LTBP1: variants seen among roughly 807,000 people sequenced by gnomAD.
The protein encoded by LTBP1 is latent-transforming growth factor beta-binding protein 1.
In LTBP1, 129 loss-of-function variants were observed where a neutral mutation model predicts 207.6. The ratio of observed to expected loss-of-function variants is 0.62; its 90% CI spans 0.54 to 0.72. The LOEUF is 0.72. Among genes scored for constraint, LTBP1 ranks in the 30% least tolerant of loss-of-function variants. The pLI is 0.00. For synonymous variants in LTBP1, 963 were observed against 833.7 expected (o/e 1.16, Z -2.67); for missense variants, 2,281 against 2,217.2 (o/e 1.03, Z -0.58).
At chr2:33,145,224 G>C (rs1346488331) in intron 5 of LTBP1, among the ~76,000 whole-genome samples, 1 of 151,974 alleles carries the variant, frequency 6.6e-6, no homozygotes, top group African/African-American at 2.4e-5. Flanking sequence ...TGAAAGACTG[G>C]CATGACTGAG....
chr2:33,078,857 C>CTCT (rs2078228415), intron 3 of LTBP1, among the ~76,000 whole-genome samples: 1 of 92,158 alleles, frequency 1.1e-5, no homozygotes, highest in African/African-American at 3.2e-5. Flanking sequence ...CTTTTCTTTT[C>CTCT]TTTTCTTTTT....
At chr2:33,397,674 ATTTTTTT>A (rs71409616) in intron 33 of LTBP1, among the ~76,000 whole-genome samples, 3 of 117,498 alleles carry the variant, frequency 2.6e-5, no homozygotes, top group Admixed American at 9.3e-5. Context: ...CACCCGGCTA[ATTTTTTT>A]TTTTTTTTTT....
chr2:33,382,076 T>G (rs2095221537), intron 31 of LTBP1, among the ~76,000 whole-genome samples: 1 of 37,028 alleles, frequency 2.7e-5, no homozygotes, highest in African/African-American at 1.9e-4. Flanking sequence ...TACTGCTTCT[T>G]TTTTTTTTTT....
At chr2:33,194,019 C>T (rs2088242056) in intron 7 of LTBP1, among the ~76,000 whole-genome samples, 1 of 151,532 alleles carries the variant, frequency 6.6e-6, no homozygotes, top group Admixed American at 6.6e-5. Flanking sequence ...AGAGTTCTTG[C>T]TCTGTTACCC....
At chr2:33,268,793 A>G (rs766804797) in intron 15 of LTBP1, among the ~76,000 whole-genome samples, 7 of 152,220 alleles carry the variant, frequency 4.6e-5, no homozygotes, top group African/African-American at 7.2e-5. Context: ...AAACCTTTCC[A>G]TGAGTTAACA....
intron 4 of LTBP1, among the ~76,000 whole-genome samples, chr2:33,113,486 G>T (rs74969557): frequency 6.6e-6 from 1 of 152,220 alleles, no homozygotes; most frequent in Admixed American, 6.5e-5. Context: ...TAGATAGAGA[G>T]AAACTAACCA....
intron 3 of LTBP1, among the ~76,000 whole-genome samples, chr2:33,099,076 T>C (rs2079557897): frequency 6.6e-6 from 1 of 152,214 alleles, no homozygotes; most frequent in South Asian, 2.1e-4. Context: ...TTTCTCCAGA[T>C]ATATTGGCTT....
At chr2:33,085,714 A>G (rs2078709478) in intron 3 of LTBP1, among the ~76,000 whole-genome samples, 1 of 152,190 alleles carries the variant, frequency 6.6e-6, no homozygotes, top group Non-Finnish European at 1.5e-5. Context: ...CATAAGAGGC[A>G]GGGGGGCCAG....
intron 3 of LTBP1, among the ~76,000 whole-genome samples, chr2:33,102,730 C>T (rs982899370): frequency 1.3e-5 from 2 of 152,198 alleles, no homozygotes; most frequent in Non-Finnish European, 2.9e-5. Context: ...TACTGGCAGT[C>T]TGTATATGCT....
chr2:33,134,791 A>G lies in LTBP1; in HGVS notation c.1034-2A>G, dbSNP rs2082017863. 1 of 1,613,844 alleles carries G rather than the reference A, an allele frequency of 6.2e-7. No homozygotes were observed. Among genetic ancestry groups the G allele is most frequent in the Non-Finnish European group, 8.5e-7 (1 of 1,179,954 alleles). ...TCTTTTTCTCCCTGCCTCCGCTCCT[A>G]GTGAGTAACCACACTGGCCGCATCA... On this transcript the variant is annotated splice_acceptor_variant, in intron 4 of 33. Transcript: ENST00000404816. LOFTEE classifies it high-confidence loss of function. This position sits in a 1 kb window ranked among gnomAD's most constrained non-coding sequence, Gnocchi z 4.4.
chr2:33,235,271 C>T (rs1158652152), intron 9 of LTBP1, among the ~76,000 whole-genome samples: 2 of 152,156 alleles, frequency 1.3e-5, no homozygotes, highest in Non-Finnish European at 2.9e-5. Context: ...CAAAAGAAGA[C>T]ATTTATGCAG....
chr2:33,091,725 G>A lies in LTBP1; in HGVS notation c.864-18857G>A, dbSNP rs2079104358. Among the ~76,000 whole-genome samples, 7 of 152,180 alleles carry A rather than the reference G, an allele frequency of 4.6e-5. No homozygotes were observed. The South Asian group carries it at 1.4e-3, about 32-fold the overall frequency. ...GAATCCTCTGACTAATCGCCCGAAGGAAGTTCTGTGTTCTCAGAGCATCTG... is the reference window on the plus strand; with the variant it reads ...GAATCCTCTGACTAATCGCCCGAAGAAAGTTCTGTGTTCTCAGAGCATCTG... On this transcript the variant is annotated intron_variant, in intron 3 of 33. Transcript: ENST00000404816.
intron 23 of LTBP1, among the ~76,000 whole-genome samples, chr2:33,312,551 T>G (rs1385181683): frequency 6.6e-6 from 1 of 152,052 alleles, no homozygotes; most frequent in Non-Finnish European, 1.5e-5. Context: ...CCAACTTAAA[T>G]ATAGTCTGGC....
At chr2:33,014,548 C>A (rs1263034992) in intron 2 of LTBP1, among the ~76,000 whole-genome samples, 1 of 152,184 alleles carries the variant, frequency 6.6e-6, no homozygotes. Flanking sequence ...AGGACACATG[C>A]GGTAGACATG....
chr2:33,321,797 A>G (rs977802447), intron 24 of LTBP1, among the ~76,000 whole-genome samples: 2 of 152,166 alleles, frequency 1.3e-5, no homozygotes, highest in African/African-American at 2.4e-5. Flanking sequence ...TGATTTTAGT[A>G]TTTCTTAGTA....
intron 24 of LTBP1, among the ~76,000 whole-genome samples, chr2:33,322,293 G>A (rs1281606514): frequency 2.0e-5 from 3 of 152,144 alleles, no homozygotes; most frequent in African/African-American, 7.2e-5. Context: ...CTTGCATACC[G>A]TATGCTGACA....
intron 31 of LTBP1, among the ~76,000 whole-genome samples, chr2:33,383,979 C>G (rs1251063327): frequency 1.3e-5 from 2 of 152,220 alleles, no homozygotes; most frequent in Non-Finnish European, 2.9e-5. Context: ...TTTCTAAAAA[C>G]AGCTGAATTT....
At chr2:33,074,167 A>T (rs955505669) in intron 3 of LTBP1, among the ~76,000 whole-genome samples, 1 of 152,256 alleles carries the variant, frequency 6.6e-6, no homozygotes, top group African/African-American at 2.4e-5. Context: ...TAAAAAGTAG[A>T]TTTAACGTAT....
At chr2:33,226,108 A>G (rs2091422997) in intron 9 of LTBP1, among the ~76,000 whole-genome samples, 1 of 152,206 alleles carries the variant, frequency 6.6e-6, no homozygotes, top group African/African-American at 2.4e-5. Flanking sequence ...TATATTGCTT[A>G]ATATGCAAAT....
Sources: allele counts gnomAD v4.1 joint callset (sites outside exome capture counted in the v4.1 genomes callset), GRCh38; gene constraint gnomAD v4.1.1; non-coding constraint Gnocchi (gnomAD v3.1); transcripts MANE v1.5; gene names NCBI Gene and HGNC (gene_info 2026-07-23, HGNC 2026-07-21).